The following TOX variants were observed in gnomAD, a reference collection of about 807,000 sequenced individuals.
TOX encodes thymocyte selection-associated high mobility group box protein TOX.
A neutral mutation model predicts 53.7 loss-of-function variants in TOX; 11 were observed. The observed-to-expected ratio is 0.20, with a 90% CI of 0.13 to 0.34. The LOEUF (loss-of-function observed/expected upper bound fraction) is 0.34. Ranked by LOEUF, TOX falls within the 10% of genes least tolerant of loss-of-function variation. The probability of loss-of-function intolerance (pLI) is 1.00; values close to 1 mark genes in which losing one functional copy is unlikely to be tolerated. For synonymous variants in TOX, 225 were observed against 245.3 expected (o/e 0.92, Z 0.77); for missense variants, 570 against 664.6 (o/e 0.86, Z 1.56).
At chr8:58,835,885 C>T (rs552652588) in intron 5 of TOX, among the ~76,000 whole-genome samples, 3 of 152,202 alleles carry the variant, frequency 2.0e-5, no homozygotes, top group South Asian at 2.1e-4. Flanking sequence ...GAGGCACAAA[C>T]GAGCCTTGAA....
chr8:58,824,117 T>C (rs1303092202), intron 6 of TOX, among the ~76,000 whole-genome samples: 1 of 152,104 alleles, frequency 6.6e-6, no homozygotes, highest in Non-Finnish European at 1.5e-5. Flanking sequence ...GGAGAGCACA[T>C]TGAGAGGACT....
chr8:58,819,464 A>G (rs1810235779), intron 6 of TOX, among the ~76,000 whole-genome samples: 1 of 152,184 alleles, frequency 6.6e-6, no homozygotes, highest in Non-Finnish European at 1.5e-5. Context: ...TCCTATTTGC[A>G]TTTAGACGAC....
intron 1 of TOX, among the ~76,000 whole-genome samples, chr8:59,023,804 T>G (rs933973575): frequency 8.5e-5 from 13 of 152,106 alleles, no homozygotes; most frequent in Admixed American, 2.0e-4. Context: ...TCTAAAAAAA[T>G]GTCATACCCT....
At chr8:59,059,060 G>A (rs1018792827) in intron 1 of TOX, among the ~76,000 whole-genome samples, 4 of 152,190 alleles carry the variant, frequency 2.6e-5, no homozygotes, top group African/African-American at 7.2e-5. Context: ...TCTGGCCAGA[G>A]AGGATTTGAA....
chr8:58,891,526 C>G (rs1811561323), intron 3 of TOX, among the ~76,000 whole-genome samples: 1 of 152,078 alleles, frequency 6.6e-6, no homozygotes, highest in Non-Finnish European at 1.5e-5. Context: ...AAAGGGTGAA[C>G]AGTGGTGGTA....
At chr8:59,020,860 A>G (rs945373702) in intron 1 of TOX, among the ~76,000 whole-genome samples, 3 of 152,174 alleles carry the variant, frequency 2.0e-5, no homozygotes, top group Admixed American at 2.0e-4. Context: ...TTTAGGCAAT[A>G]GTAATCATTC....
intron 1 of TOX, among the ~76,000 whole-genome samples, chr8:59,059,929 G>T (rs955841800): frequency 6.6e-6 from 1 of 151,022 alleles, no homozygotes; most frequent in South Asian, 2.1e-4. Context: ...AAATCTTTTA[G>T]AAAGAAAATC....
At chr8:58,918,920 CAGAG>C (rs1416677180) in intron 3 of TOX, among the ~76,000 whole-genome samples, 4 of 151,932 alleles carry the variant, frequency 2.6e-5, no homozygotes, top group African/African-American at 9.7e-5. Context: ...AACCGGCAAA[CAGAG>C]AGCCAAATCA....
At chr8:58,824,249 G>A (rs1434040252) in intron 6 of TOX, among the ~76,000 whole-genome samples, 2 of 152,170 alleles carry the variant, frequency 1.3e-5, no homozygotes, top group Non-Finnish European at 2.9e-5. Context: ...CCTACTTCAA[G>A]GGATAAGGCC....
intron 3 of TOX, among the ~76,000 whole-genome samples, chr8:58,923,979 G>T (rs992053347): frequency 6.6e-6 from 1 of 152,108 alleles, no homozygotes; most frequent in Non-Finnish European, 1.5e-5. Flanking sequence ...GGTTCAGTTT[G>T]GGAATCAACT....
At chr8:59,039,131 C>T (rs1585980185) in intron 1 of TOX, among the ~76,000 whole-genome samples, 1 of 152,234 alleles carries the variant, frequency 6.6e-6, no homozygotes, top group South Asian at 2.1e-4. Context: ...ACTTACGAAC[C>T]ACACTGTGGT....
intron 1 of TOX, among the ~76,000 whole-genome samples, chr8:58,965,511 A>G (rs1812877742): frequency 6.6e-6 from 1 of 152,210 alleles, no homozygotes; most frequent in Admixed American, 6.5e-5. Flanking sequence ...CACAAAGACA[A>G]GAAAAGTCAA....
In TOX at chr8:59,040,372, C is replaced by T. The variant is rs929403060; in HGVS notation, c.102+78514G>A. 4.7e-5 allele frequency among the ~76,000 whole-genome samples: 7 copies of T among 148,594 alleles called. No individual in the cohort carries two copies. The South Asian group carries it at 1.3e-3, about 27-fold the overall frequency. On this transcript the variant is annotated intron_variant, in intron 1 of 8. Coordinates refer to ENST00000361421, the MANE Select transcript of TOX (RefSeq NM_014729.3). ...AAAAGAAGCATCAATTTCCTTCCAT[C>T]TCAGAAAATTCAGAGATGGAATTTG...
intron 1 of TOX, among the ~76,000 whole-genome samples, chr8:59,053,884 A>G (rs980305462): frequency 6.6e-6 from 1 of 152,260 alleles, no homozygotes; most frequent in African/African-American, 2.4e-5. Context: ...TAAAGCAAAC[A>G]TATTTTTCTC....
At chr8:58,815,239 A>G (rs542031995) in intron 7 of TOX, 99 bp downstream of exon 7, 3 of 1,433,994 alleles carry the variant, frequency 2.1e-6, no homozygotes, top group African/African-American at 2.8e-5. Flanking sequence ...TAGAAAACAC[A>G]TATCCCCAAT....
chr8:58,865,220 A>G (rs1811076187), intron 3 of TOX, among the ~76,000 whole-genome samples: 1 of 152,132 alleles, frequency 6.6e-6, no homozygotes, highest in Admixed American at 6.5e-5. Flanking sequence ...CAGGAGAGTA[A>G]TGAATACATA....
At chr8:58,988,535 G>T (rs1813379182) in intron 1 of TOX, among the ~76,000 whole-genome samples, 2 of 152,176 alleles carry the variant, frequency 1.3e-5, no homozygotes, top group South Asian at 4.1e-4. Flanking sequence ...AGATTAAAAA[G>T]TGTTATTAAC....
rs115363187 is a variant in TOX, at chr8:58,995,474, T to A, written c.103-35466A>T. ...AACAGAGATTGCAAAATGACAATCA[T>A]CTTATTTCATTTTCATGTCACCATG... On this transcript the variant is annotated intron_variant, in intron 1 of 8. Transcript: ENST00000361421. Among the ~76,000 whole-genome samples the A allele has an allele frequency of 4.7e-3, 712 of 152,298 alleles. 6 individuals are homozygous for A. Among genetic ancestry groups the A allele is most frequent in the African/African-American group, 0.016 (682 of 41,558 alleles).
At chr8:58,813,116 A>G (rs1004110625) in intron 7 of TOX, among the ~76,000 whole-genome samples, 2 of 152,206 alleles carry the variant, frequency 1.3e-5, no homozygotes, top group African/African-American at 4.8e-5. Flanking sequence ...ATGATGAATA[A>G]CTTGTCCAAT....
Sources: allele counts gnomAD v4.1 joint callset (sites outside exome capture counted in the v4.1 genomes callset), GRCh38; gene constraint gnomAD v4.1.1; transcripts MANE v1.5; gene names NCBI Gene and HGNC (gene_info 2026-07-23, HGNC 2026-07-21).